Variants in PCDH7 observed in about 807,000 individuals in gnomAD.
The protein encoded by PCDH7 is protocadherin 7.
A neutral mutation model predicts 58.9 loss-of-function variants in PCDH7; 17 were observed. The ratio of observed to expected loss-of-function variants is 0.29; its 90% CI spans 0.20 to 0.43. The LOEUF is 0.43. PCDH7 is among the 20% of genes least tolerant of loss of function. PCDH7 has a pLI of 1.00. For synonymous variants in PCDH7, 664 were observed against 616.4 expected (o/e 1.08, Z -1.14); for missense variants, 1,274 against 1,441.0 (o/e 0.88, Z 1.88).
At chr4:30,822,105 G>A (rs1728452408) in intron 1 of PCDH7, among the ~76,000 whole-genome samples, 1 of 151,554 alleles carries the variant, frequency 6.6e-6, no homozygotes, top group African/African-American at 2.4e-5. Context: ...GGGCAGGTCT[G>A]TAATCCGAGC....
intron 3 of PCDH7, among the ~76,000 whole-genome samples, chr4:31,105,133 G>A (rs1312260317): frequency 6.6e-6 from 1 of 152,106 alleles, no homozygotes; most frequent in African/African-American, 2.4e-5. Flanking sequence ...CCTAAACCTA[G>A]CTTTGAACTG....
chr4:30,903,992 T>A (rs1740564965), intron 1 of PCDH7, among the ~76,000 whole-genome samples: 1 of 152,124 alleles, frequency 6.6e-6, no homozygotes, highest in Admixed American at 6.6e-5. Flanking sequence ...ATAAGTGTAA[T>A]TGTTAGAATG....
At chr4:30,794,053 C>G (rs1319769669) in intron 1 of PCDH7, 1 of 152,162 alleles carries the variant, frequency 6.6e-6, no homozygotes, top group African/African-American at 2.4e-5. Flanking sequence ...TCCTCTCCTC[C>G]CCTCCCCAGT....
chr4:31,107,335 A>T (rs1271532597), intron 3 of PCDH7, among the ~76,000 whole-genome samples: 4 of 152,164 alleles, frequency 2.6e-5, no homozygotes, highest in Non-Finnish European at 5.9e-5. Flanking sequence ...AAGAAGGATG[A>T]TACAAATATA....
chr4:30,999,968 T>A (rs1364957247), intron 3 of PCDH7, among the ~76,000 whole-genome samples: 2 of 152,326 alleles, frequency 1.3e-5, no homozygotes, highest in Admixed American at 6.5e-5. Context: ...AACATGTTGA[T>A]GTTTCAAATA....
intron 1 of PCDH7, among the ~76,000 whole-genome samples, chr4:30,858,127 C>T (rs1341615358): frequency 6.6e-6 from 1 of 152,084 alleles, no homozygotes; most frequent in Non-Finnish European, 1.5e-5. Flanking sequence ...TTCATATGGC[C>T]ATACATCACC....
chr4:30,946,690 T>TTGTGTGTGTGTGTGTGTGTGTGTGTGTG (rs112524366), intron 2 of PCDH7, among the ~76,000 whole-genome samples: 9 of 137,554 alleles, frequency 6.5e-5, no homozygotes, highest in African/African-American at 2.2e-4. Flanking sequence ...CTTATCTCTT[T>TTGTGTGTGTGTGTGTGTGTGTGTGTGTG]TGTGTGTGTG....
chr4:30,972,096 A>G (rs2109474049), intron 3 of PCDH7, among the ~76,000 whole-genome samples: 1 of 152,354 alleles, frequency 6.6e-6, no homozygotes, highest in East Asian at 1.9e-4. Context: ...TGTGATATTA[A>G]ATGGCAGTCA....
At chr4:30,933,458 A>G (rs1311177562) in intron 2 of PCDH7, among the ~76,000 whole-genome samples, 2 of 151,918 alleles carry the variant, frequency 1.3e-5, no homozygotes, top group Non-Finnish European at 1.5e-5. Context: ...ACTAACCACA[A>G]TCTTGTGTCT....
chr4:30,994,957 C>T (rs1751753818), intron 3 of PCDH7, among the ~76,000 whole-genome samples: 1 of 151,768 alleles, frequency 6.6e-6, no homozygotes, highest in South Asian at 2.1e-4. Flanking sequence ...TACAAGCACA[C>T]CAGATTTAGA....
At chr4:30,977,158 A>T (rs957419697) in intron 3 of PCDH7, among the ~76,000 whole-genome samples, 15 of 152,220 alleles carry the variant, frequency 9.9e-5, no homozygotes, top group Admixed American at 6.5e-4. Context: ...GAGAAACAAT[A>T]CTTAGCTGAA....
intron 1 of PCDH7, among the ~76,000 whole-genome samples, chr4:30,882,233 CT>C (rs1157807485): frequency 6.6e-6 from 1 of 151,364 alleles, no homozygotes; most frequent in Non-Finnish European, 1.5e-5. Context: ...CCTCCTCCTC[CT>C]CTTCTTCTTC....
At chr4:31,003,111 C>T (rs934636253) in intron 3 of PCDH7, among the ~76,000 whole-genome samples, 1 of 152,086 alleles carries the variant, frequency 6.6e-6, no homozygotes, top group Non-Finnish European at 1.5e-5. Context: ...TTTAAAATTT[C>T]TTTAAAAATA....
intron 1 of PCDH7, among the ~76,000 whole-genome samples, chr4:30,849,542 A>G (rs1732441585): frequency 6.6e-6 from 1 of 152,124 alleles, no homozygotes; most frequent in Non-Finnish European, 1.5e-5. Context: ...TGTGTCTATG[A>G]GTTAGGTTAT....
chr4:30,730,128 A>G (rs1009753069), intron 1 of PCDH7, among the ~76,000 whole-genome samples: 2 of 151,570 alleles, frequency 1.3e-5, no homozygotes, highest in African/African-American at 4.8e-5. Flanking sequence ...TTAAATATAT[A>G]TATAACTTTA....
rs1051714283 is a variant in PCDH7 at position 31,007,586 on chromosome 4, G to T, written c.*7+57371G>T. ...AGTTTCTAGAAGATATGGTTTTATG[G>T]TTTTTTTTTTTTTTAAATATGTGGA... On this transcript the variant is annotated intron_variant, in intron 3 of 3. Transcript: ENST00000509759. Among the ~76,000 whole-genome samples the T allele has an allele frequency of 1.8e-4, 25 of 142,520 alleles. No homozygotes were observed. In the East Asian group the frequency reaches 3.5e-3, roughly 20 times the overall value. The allele number at this position is 142,520 out of a possible 152,430, so 93.5% of individuals were successfully genotyped here. A position where few individuals can be genotyped will look rare whatever the true frequency, so the allele number is the denominator to read the frequency against.
chr4:30,769,526 T>C (rs1721142373), intron 1 of PCDH7, among the ~76,000 whole-genome samples: 1 of 152,190 alleles, frequency 6.6e-6, no homozygotes, highest in African/African-American at 2.4e-5. Context: ...ATCTTCCTTT[T>C]AATTGTGCTT....
At chr4:30,945,674 G>GA (rs1216526973) in intron 2 of PCDH7, among the ~76,000 whole-genome samples, 9 of 151,970 alleles carry the variant, frequency 5.9e-5, no homozygotes, top group African/African-American at 2.2e-4. Flanking sequence ...GGGTTTACAT[G>GA]ATTATGCACT....
chr4:31,026,601 C>T (rs1158308371), intron 3 of PCDH7, among the ~76,000 whole-genome samples: 1 of 152,216 alleles, frequency 6.6e-6, no homozygotes, highest in Non-Finnish European at 1.5e-5. Flanking sequence ...AGCATACATG[C>T]TTTCCTGCCT....
Sources: allele counts gnomAD v4.1 joint callset (sites outside exome capture counted in the v4.1 genomes callset), GRCh38; gene constraint gnomAD v4.1.1; transcripts MANE v1.5; gene names NCBI Gene and HGNC (gene_info 2026-07-23, HGNC 2026-07-21).